ARMC2: variants seen among roughly 807,000 people sequenced by gnomAD.
ARMC2 encodes armadillo repeat-containing protein 2.
ARMC2 carries 67 observed loss-of-function variants against 90.3 expected under a neutral mutation model. That is an observed-to-expected ratio of 0.74 (90% CI 0.61 to 0.91). The LOEUF (loss-of-function observed/expected upper bound fraction) is 0.91. ARMC2 is among the 40% of genes least tolerant of loss of function. ARMC2 has a pLI of 0.00. For missense variants in ARMC2, 920 were observed against 1,030.9 expected (o/e 0.89, Z 1.47); for synonymous variants, 393 against 393.0 (o/e 1.00, Z 0.00).
At chr6:108,888,378 G>A (rs1234226055) in intron 5 of ARMC2, among the ~76,000 whole-genome samples, 2 of 152,186 alleles carry the variant, frequency 1.3e-5, no homozygotes, top group African/African-American at 4.8e-5. Flanking sequence ...CTACAGATGA[G>A]GAAACCAAAA....
the ARMC2 span, among the ~76,000 whole-genome samples, chr6:109,022,411 C>CTTTTTT: frequency 4.1e-4 from 27 of 65,882 alleles, 1 homozygote; most frequent in Admixed American, 5.8e-4. Context: ...TGTTCTAAAG[C>CTTTTTT]TTTTTTTTTT....
At chr6:108,989,497 A>G in the ARMC2 span, among the ~76,000 whole-genome samples, 1 of 142,548 alleles carries the variant, frequency 7.0e-6, no homozygotes, top group Non-Finnish European at 1.5e-5. Flanking sequence ...CTCTAGATCT[A>G]GAGATATCTA....
the ARMC2 span, among the ~76,000 whole-genome samples, chr6:109,035,898 C>T: frequency 1.8e-4 from 27 of 152,180 alleles, 1 homozygote; most frequent in African/African-American, 6.3e-4. Context: ...GTGACCACTG[C>T]ACCACTATCA....
rs1462268403 is a variant in ARMC2, at chr6:108,973,545, C to T, written c.*31C>T. On this transcript the variant is annotated 3_prime_UTR_variant, in exon 18 of 18. Coordinates refer to ENST00000392644, the MANE Select transcript of ARMC2 (RefSeq NM_032131.6). The stretch of plus-strand genomic sequence containing the variant: ...TGCAGATTAACAGTAGAAACGAGAA[C>T]TCACGTCTCCCTCATTCTTAAGAAC... The T allele has an allele frequency of 3.2e-6, 5 of 1,564,690 alleles. No homozygotes were observed. The Admixed American group carries it at 9.0e-5, about 28-fold the overall frequency.
At chr6:108,874,432 G>T (rs552145231) in intron 4 of ARMC2, among the ~76,000 whole-genome samples, 1 of 152,306 alleles carries the variant, frequency 6.6e-6, no homozygotes, top group East Asian at 1.9e-4. Context: ...AAAGATAACG[G>T]TAGGCTAAAA....
At chr6:108,915,901 G>C (rs1251193222) in intron 10 of ARMC2, among the ~76,000 whole-genome samples, 1 of 152,194 alleles carries the variant, frequency 6.6e-6, no homozygotes, top group Non-Finnish European at 1.5e-5. Flanking sequence ...TAGCTGAAAA[G>C]TGATGGGAGG....
intron 5 of ARMC2, among the ~76,000 whole-genome samples, chr6:108,887,999 A>G (rs1770533768): frequency 6.6e-6 from 1 of 152,190 alleles, no homozygotes. Context: ...GACACCCACC[A>G]CTGTGACGTG....
chr6:108,878,997 C>T (rs1386288240), intron 5 of ARMC2, among the ~76,000 whole-genome samples: 1 of 151,934 alleles, frequency 6.6e-6, no homozygotes, highest in East Asian at 1.9e-4. Flanking sequence ...ATCCATCCAT[C>T]CACATACCCA....
At chr6:108,988,536 C>A in the ARMC2 span, 1 of 1,603,192 alleles carries the variant, frequency 6.2e-7, no homozygotes, top group Non-Finnish European at 8.5e-7. Context: ...CCACAATAGG[C>A]ACATACCTTC....
the ARMC2 span, among the ~76,000 whole-genome samples, chr6:108,996,321 C>G: frequency 6.6e-6 from 1 of 152,138 alleles, no homozygotes; most frequent in Non-Finnish European, 1.5e-5. Flanking sequence ...GGAAGTGTTT[C>G]TATGACGATA....
the ARMC2 span, among the ~76,000 whole-genome samples, chr6:109,017,119 T>C: frequency 6.6e-6 from 1 of 152,184 alleles, no homozygotes. Context: ...TATAATTCAA[T>C]AGACAAACAT....
At chr6:108,880,733 T>C (rs1173521935) in intron 5 of ARMC2, among the ~76,000 whole-genome samples, 1 of 146,332 alleles carries the variant, frequency 6.8e-6, no homozygotes, top group Non-Finnish European at 1.5e-5. Context: ...CCCTTCCCTC[T>C]CCCTCTTCTC....
At chr6:108,972,149 T>C (rs1473670353) in intron 17 of ARMC2, among the ~76,000 whole-genome samples, 2 of 152,194 alleles carry the variant, frequency 1.3e-5, no homozygotes, top group African/African-American at 4.8e-5. Flanking sequence ...ACCTCAGTGG[T>C]CATTTATCTT....
chr6:108,933,098 G>A (rs1257619026), intron 11 of ARMC2, among the ~76,000 whole-genome samples: 1 of 150,004 alleles, frequency 6.7e-6, no homozygotes, highest in African/African-American at 2.5e-5. Context: ...TTCTAGTTCT[G>A]TGAAGAATGT....
chr6:109,023,180 C>T, the ARMC2 span, among the ~76,000 whole-genome samples: 1 of 152,220 alleles, frequency 6.6e-6, no homozygotes, highest in South Asian at 2.1e-4. Context: ...CCTCCTCATA[C>T]ATGTTAATCC....
chr6:109,007,737 T>C, the ARMC2 span, among the ~76,000 whole-genome samples: 1 of 151,516 alleles, frequency 6.6e-6, no homozygotes, highest in Non-Finnish European at 1.5e-5. Context: ...TATGTTAATA[T>C]TGTCATTAAT....
At chr6:108,928,507 C>T (rs1042406018) in intron 11 of ARMC2, among the ~76,000 whole-genome samples, 2 of 152,148 alleles carry the variant, frequency 1.3e-5, no homozygotes, top group Non-Finnish European at 2.9e-5. Context: ...TGTGTTTAAT[C>T]TTCCTCTCAG....
At chr6:108,928,067 A>G in intron 10 of ARMC2, 21 bp from the exon 11 acceptor site, 1 of 1,582,042 alleles carries the variant, frequency 6.3e-7, no homozygotes, top group Non-Finnish European at 8.6e-7. Context: ...AAAAAATGGC[A>G]CAAGCATGCT....
the ARMC2 span, among the ~76,000 whole-genome samples, chr6:109,042,035 TA>T: frequency 6.6e-6 from 1 of 151,732 alleles, no homozygotes; most frequent in African/African-American, 2.4e-5. Context: ...TAGAAGTAAA[TA>T]ATAGAAAGAT....
Sources: gnomAD v4.1 joint callset for allele counts (sites outside exome capture counted in the v4.1 genomes callset) on GRCh38, gnomAD v4.1.1 for gene constraint, MANE v1.5 for transcripts, NCBI Gene and HGNC (gene_info 2026-07-23, HGNC 2026-07-21) for gene names.